The following IL1RAP variants were observed in gnomAD, a reference collection of about 807,000 sequenced individuals.
IL1RAP encodes interleukin-1 receptor accessory protein.
Under a neutral mutation model 60.7 loss-of-function variants are expected in IL1RAP, and 35 were observed. The ratio of observed to expected loss-of-function variants is 0.58; its 90% CI spans 0.44 to 0.76. The LOEUF (loss-of-function observed/expected upper bound fraction) is 0.76, where lower values mean the gene tolerates loss of function less well. Ranked by LOEUF, IL1RAP falls within the 30% of genes least tolerant of loss-of-function variation. The probability of loss-of-function intolerance (pLI) is 0.00; values close to 1 mark genes in which losing one functional copy is unlikely to be tolerated. For missense variants in IL1RAP, 572 were observed against 693.9 expected (o/e 0.82, Z 1.97); for synonymous variants, 268 against 250.9 (o/e 1.07, Z -0.64).
intron 9 of IL1RAP, among the ~76,000 whole-genome samples, chr3:190,640,020 G>A (rs1733538991): frequency 6.6e-6 from 1 of 152,118 alleles, no homozygotes; most frequent in Admixed American, 6.5e-5. Context: ...CCAAATATGT[G>A]TAGCTTTGTA....
At chr3:190,516,085 T>TA in intron 1 of IL1RAP, 1 of 152,412 alleles carries the variant, frequency 6.6e-6, no homozygotes, top group Non-Finnish European at 1.5e-5. Flanking sequence ...CATGCGTCCT[T>TA]AAATTGAGTG....
intron 3 of IL1RAP, 111 bp from the exon 4 acceptor site, chr3:190,604,017 A>G (rs1730075765): frequency 1.9e-6 from 2 of 1,063,882 alleles, no homozygotes; most frequent in Non-Finnish European, 2.7e-6. Context: ...AGATGACCAG[A>G]GAAAGAGGTT....
At position 190,562,920 on chromosome 3, in the gene IL1RAP, A is replaced by G. The variant is rs568368492; in HGVS notation, c.-1-1369A>G. 2.0e-5 allele frequency among the ~76,000 whole-genome samples: 3 copies of G among 152,266 alleles called. No individual in the cohort carries two copies. The South Asian group carries it at 6.2e-4, about 32-fold the overall frequency. ...AAAACATCATTTAATTTATCAGATGAAACAACAGCTTGTGATATGACGAGC... is the reference window on the plus strand; with the variant it reads ...AAAACATCATTTAATTTATCAGATGGAACAACAGCTTGTGATATGACGAGC... On this transcript the variant is annotated intron_variant, in intron 2 of 11. Transcript: ENST00000447382.
intron 9 of IL1RAP, among the ~76,000 whole-genome samples, chr3:190,633,043 T>C (rs1732919120): frequency 6.6e-6 from 1 of 150,868 alleles, no homozygotes; most frequent in African/African-American, 2.4e-5. Flanking sequence ...CCCCCTTTTT[T>C]CTTTTTGAAG....
chr3:190,616,737 A>G (rs1017058460), intron 5 of IL1RAP, among the ~76,000 whole-genome samples: 12 of 152,154 alleles, frequency 7.9e-5, no homozygotes, highest in Non-Finnish European at 1.5e-5. Flanking sequence ...CCAAATACTC[A>G]TCAGCACTTA....
chr3:190,658,237 A>T (rs1734679425), exon 12 of IL1RAP: 1 of 152,190 alleles, frequency 6.6e-6, no homozygotes. Context: ...GAGCCAAACA[A>T]ATTATATCTG....
At chr3:190,559,118 A>G (rs1725673353) in intron 2 of IL1RAP, among the ~76,000 whole-genome samples, 1 of 152,082 alleles carries the variant, frequency 6.6e-6, no homozygotes, top group Admixed American at 6.5e-5. Context: ...GAGCTTTAGT[A>G]GTTTGTAGTT....
intron 1 of IL1RAP, among the ~76,000 whole-genome samples, chr3:190,538,904 C>T (rs1206452652): frequency 2.0e-5 from 3 of 152,118 alleles, no homozygotes; most frequent in African/African-American, 4.8e-5. Flanking sequence ...TGAAGAAGGA[C>T]GTGTTTGCTT....
Position 190,650,117 on chromosome 3 carries a change from G to A in IL1RAP, c.*1412G>A. ...ATGTGTATGTATATGACTTTAAATA[G>A]CTATGGGTACAATATTAAAAACCAC... On this transcript the variant is annotated 3_prime_UTR_variant, in exon 12 of 12. Coordinates refer to ENST00000447382, the MANE Select transcript of IL1RAP (RefSeq NM_002182.4). 7 of 967,510 alleles carry A rather than the reference G, an allele frequency of 7.2e-6. No homozygotes were observed. The highest frequency in any genetic ancestry group is 8.6e-6 in the Non-Finnish European group (7 of 814,260). 59.9% of individuals were successfully genotyped at this position (967,510 alleles called of 1,614,324 possible).
exon 12 of IL1RAP, chr3:190,659,594 T>C (rs1417035560): frequency 6.6e-6 from 1 of 152,170 alleles, no homozygotes; most frequent in Non-Finnish European, 1.5e-5. Context: ...GGTAAATGGA[T>C]ATATCATTGC....
chr3:190,519,123 A>C (rs150881374), intron 1 of IL1RAP: 1 of 152,174 alleles, frequency 6.6e-6, no homozygotes, highest in Non-Finnish European at 1.5e-5. Context: ...TGGACCTAAA[A>C]TGTGGGAGAG....
intron 4 of IL1RAP, 58 bp from the exon 5 acceptor site, chr3:190,608,937 G>T: frequency 7.6e-7 from 1 of 1,324,220 alleles, no homozygotes; most frequent in Non-Finnish European, 1.1e-6. Context: ...TTTGAATGTG[G>T]TTGCTCTATG....
intron 11 of IL1RAP, among the ~76,000 whole-genome samples, chr3:190,647,255 A>G (rs1236194793): frequency 6.6e-6 from 1 of 152,170 alleles, no homozygotes; most frequent in Non-Finnish European, 1.5e-5. Context: ...TGCATGCTAG[A>G]TTTTAATCAC....
rs10602405 is a variant in IL1RAP, at chr3:190,527,826, T to TACACACAC, written c.-89+13644_-89+13651dup. Among the ~76,000 whole-genome samples, 597 of 139,682 alleles carry TACACACAC rather than the reference T, an allele frequency of 4.3e-3. 3 individuals are homozygous for TACACACAC. Among genetic ancestry groups the TACACACAC allele is most frequent in the African/African-American group, 0.011 (420 of 37,708 alleles). 91.6% of individuals were successfully genotyped at this position (139,682 alleles called of 152,430 possible). A position where few individuals can be genotyped will look rare whatever the true frequency, so the allele number is the denominator to read the frequency against. Reference sequence around the variant, plus strand: ...TGATAAATTATTTTAAGGAAAGGTCTACACACACACACACACACACACACA... The same window carrying TACACACAC: ...TGATAAATTATTTTAAGGAAAGGTCTACACACACACACACACACACACACACACACACA... On this transcript the variant is annotated intron_variant, in intron 1 of 11. Coordinates refer to ENST00000447382, the MANE Select transcript of IL1RAP (RefSeq NM_002182.4).
At chr3:190,571,507 C>A (rs1463921480) in intron 3 of IL1RAP, among the ~76,000 whole-genome samples, 1 of 152,042 alleles carries the variant, frequency 6.6e-6, no homozygotes, top group East Asian at 1.9e-4. Context: ...CAGAACAAGA[C>A]CCTGTCTCTC....
rs904344528 is a variant in IL1RAP, at chr3:190,521,227, G to T, written c.-89+7008G>T. The stretch of plus-strand genomic sequence containing the variant: ...AAAGATCCAGGTTGAAATAATAACA[G>T]CTTTTTTTTAATATAGAACTTTAAG... On this transcript the variant is annotated intron_variant, in intron 1 of 11. Transcript: ENST00000447382. Among the ~76,000 whole-genome samples, 10 of 152,106 alleles carry T rather than the reference G, an allele frequency of 6.6e-5. No homozygotes were observed. The South Asian group carries it at 1.9e-3, about 28-fold the overall frequency.
chr3:190,604,695 G>A (rs1730148845), intron 4 of IL1RAP, among the ~76,000 whole-genome samples: 1 of 151,982 alleles, frequency 6.6e-6, no homozygotes, highest in Non-Finnish European at 1.5e-5. Flanking sequence ...TCACCACACC[G>A]GTTCCTGCCT....
At chr3:190,543,624 T>C (rs1308059924) in intron 1 of IL1RAP, among the ~76,000 whole-genome samples, 1 of 152,150 alleles carries the variant, frequency 6.6e-6, no homozygotes, top group Non-Finnish European at 1.5e-5. Flanking sequence ...ACAGGTGGTA[T>C]GTGTACACTT....
chr3:190,607,523 A>G (rs9836885), intron 4 of IL1RAP, among the ~76,000 whole-genome samples: 12,062 of 152,208 alleles, frequency 0.079, 944 homozygotes, highest in African/African-American at 0.2. Flanking sequence ...ATTTTGAGCT[A>G]TAACAAATTT....
Sources: allele counts gnomAD v4.1 joint callset (sites outside exome capture counted in the v4.1 genomes callset), GRCh38; gene constraint gnomAD v4.1.1; transcripts MANE v1.5; gene names NCBI Gene and HGNC (gene_info 2026-07-23, HGNC 2026-07-21).